The following CNTN5 variants were observed in gnomAD, a reference collection of about 807,000 sequenced individuals.
The protein encoded by CNTN5 is contactin-5.
In CNTN5, 77 loss-of-function variants were observed where a neutral mutation model predicts 129.1. That is an observed-to-expected ratio of 0.60 (90% CI 0.50 to 0.72). The LOEUF (loss-of-function observed/expected upper bound fraction) is 0.72. Among genes scored for constraint, CNTN5 ranks in the 30% least tolerant of loss-of-function variants. The probability of loss-of-function intolerance (pLI) is 0.00; values close to 1 mark genes in which losing one functional copy is unlikely to be tolerated. For synonymous variants in CNTN5, 509 were observed against 465.6 expected (o/e 1.09, Z -1.20); for missense variants, 1,478 against 1,328.8 (o/e 1.11, Z -1.75).
At chr11:99,795,829 A>G (rs1445943820) in intron 3 of CNTN5, among the ~76,000 whole-genome samples, 3 of 152,188 alleles carry the variant, frequency 2.0e-5, no homozygotes, top group East Asian at 1.9e-4. Flanking sequence ...TGACTTAGTT[A>G]TCTGATCCAT....
intron 13 of CNTN5, among the ~76,000 whole-genome samples, chr11:100,086,245 A>T (rs1591210308): frequency 6.6e-6 from 1 of 150,950 alleles, no homozygotes; most frequent in East Asian, 1.9e-4. Context: ...ATGCCCACTA[A>T]TTACTCTGTC....
At chr11:99,042,297 A>C (rs1221285639) in intron 1 of CNTN5, among the ~76,000 whole-genome samples, 1 of 151,342 alleles carries the variant, frequency 6.6e-6, no homozygotes. Flanking sequence ...GCAGCAAACC[A>C]TCATGGCACA....
intron 3 of CNTN5, among the ~76,000 whole-genome samples, chr11:99,785,923 C>T (rs1945504654): frequency 6.6e-6 from 1 of 152,094 alleles, no homozygotes; most frequent in African/African-American, 2.4e-5. Context: ...AAGCTGGAGG[C>T]ATTCCCTTTG....
chr11:99,388,870 C>A (rs1159387878), intron 2 of CNTN5, among the ~76,000 whole-genome samples: 2 of 152,112 alleles, frequency 1.3e-5, no homozygotes, highest in Non-Finnish European at 2.9e-5. Context: ...ATACACAGTG[C>A]ATAATACCCA....
chr11:99,838,852 T>A (rs1947387220), intron 4 of CNTN5, among the ~76,000 whole-genome samples: 1 of 152,148 alleles, frequency 6.6e-6, no homozygotes, highest in Non-Finnish European at 1.5e-5. Context: ...TTACTTAGTA[T>A]TAGAAGTAAT....
chr11:99,591,513 T>G (rs1006401608), intron 3 of CNTN5, among the ~76,000 whole-genome samples: 2 of 151,870 alleles, frequency 1.3e-5, no homozygotes, highest in African/African-American at 4.8e-5. Flanking sequence ...AATTTTTTTG[T>G]ATTTTTAGTA....
chr11:99,207,015 G>A (rs1050618978), intron 1 of CNTN5, among the ~76,000 whole-genome samples: 2 of 152,026 alleles, frequency 1.3e-5, no homozygotes, highest in Admixed American at 6.6e-5. Flanking sequence ...TTTTATTAAA[G>A]TGGATAAAAA....
At position 99,811,184 on chromosome 11, in the gene CNTN5, C is replaced by T. The variant is rs17134494; in HGVS notation, c.56-8360C>T. Among the ~76,000 whole-genome samples the T allele has an allele frequency of 7.4e-3, 1,128 of 152,044 alleles. 12 individuals are homozygous for T. Among genetic ancestry groups the T allele is most frequent in the African/African-American group, 0.026 (1,081 of 41,524 alleles). On this transcript the variant is annotated intron_variant, in intron 3 of 24. Coordinates refer to ENST00000524871, the MANE Select transcript of CNTN5 (RefSeq NM_014361.4). ...GGAGTCGATAGAAAAGATTCAGATA[C>T]AGAGTCCAATAGTGATAATACAGTT... is the stretch of plus-strand genomic sequence containing the variant.
At chr11:99,638,536 A>C (rs1317980859) in intron 3 of CNTN5, among the ~76,000 whole-genome samples, 5 of 152,196 alleles carry the variant, frequency 3.3e-5, no homozygotes, top group African/African-American at 1.2e-4. Context: ...TCTTCTGCCT[A>C]TGAGCCTGTA....
intron 8 of CNTN5, among the ~76,000 whole-genome samples, chr11:99,976,612 T>A (rs1362795121): frequency 2.6e-5 from 4 of 152,210 alleles, no homozygotes; most frequent in Non-Finnish European, 5.9e-5. Flanking sequence ...TTTCACTCTC[T>A]GAAGCAATGG....
At chr11:99,588,257 T>C (rs771725174) in intron 3 of CNTN5, among the ~76,000 whole-genome samples, 2 of 142,872 alleles carry the variant, frequency 1.4e-5, no homozygotes, top group Non-Finnish European at 3.0e-5. Flanking sequence ...GGCAGGAGAA[T>C]GGCGTGAACC....
intron 18 of CNTN5, among the ~76,000 whole-genome samples, chr11:100,277,460 T>C (rs959030540): frequency 5.9e-5 from 9 of 152,198 alleles, no homozygotes. Context: ...GTGTTTCCTT[T>C]TCTCTAGATC....
At chr11:99,862,575 T>C (rs1477817079) in intron 6 of CNTN5, among the ~76,000 whole-genome samples, 1 of 152,104 alleles carries the variant, frequency 6.6e-6, no homozygotes, top group Non-Finnish European at 1.5e-5. Flanking sequence ...GACTTTGTTG[T>C]CTATTTCTTA....
At chr11:99,590,373 T>C (rs1387739802) in intron 3 of CNTN5, among the ~76,000 whole-genome samples, 1 of 152,162 alleles carries the variant, frequency 6.6e-6, no homozygotes, top group Non-Finnish European at 1.5e-5. Flanking sequence ...CCTGGCATTG[T>C]TGTTTATTAG....
At chr11:100,058,887 T>C (rs1943350280) in intron 9 of CNTN5, among the ~76,000 whole-genome samples, 1 of 152,142 alleles carries the variant, frequency 6.6e-6, no homozygotes, top group Non-Finnish European at 1.5e-5. Flanking sequence ...AATTAGGACT[T>C]TGCTGAAGAG....
intron 6 of CNTN5, among the ~76,000 whole-genome samples, chr11:99,855,065 T>G (rs1947991557): frequency 6.6e-6 from 1 of 152,102 alleles, no homozygotes; most frequent in Admixed American, 6.5e-5. Flanking sequence ...TTGCAGCACT[T>G]TGAGAGGCTG....
intron 4 of CNTN5, among the ~76,000 whole-genome samples, chr11:99,829,281 G>C (rs1274097518): frequency 6.6e-6 from 1 of 152,236 alleles, no homozygotes; most frequent in African/African-American, 2.4e-5. Flanking sequence ...ACAGAAAAAG[G>C]CTGCATTCAG....
intron 3 of CNTN5, among the ~76,000 whole-genome samples, chr11:99,566,334 G>C (rs1471383324): frequency 6.6e-6 from 1 of 152,198 alleles, no homozygotes; most frequent in Non-Finnish European, 1.5e-5. Context: ...GAAGCCAAGA[G>C]TGTTGGTGCC....
chr11:100,241,016 C>A (rs777943430), intron 16 of CNTN5, among the ~76,000 whole-genome samples: 1 of 152,150 alleles, frequency 6.6e-6, no homozygotes, highest in Non-Finnish European at 1.5e-5. Flanking sequence ...ACACAGTAAA[C>A]CCAATATTGG....
Sources: gnomAD v4.1 joint callset for allele counts (sites outside exome capture counted in the v4.1 genomes callset) on GRCh38, gnomAD v4.1.1 for gene constraint, MANE v1.5 for transcripts, NCBI Gene and HGNC (gene_info 2026-07-23, HGNC 2026-07-21) for gene names.